The following DISP2 variants were observed in gnomAD, a reference collection of about 807,000 sequenced individuals.
DISP2 encodes the protein dispatched RND transporter family member 2.
A neutral mutation model predicts 95.5 loss-of-function variants in DISP2; 59 were observed. The observed-to-expected ratio is 0.62, with a 90% CI of 0.50 to 0.77. The LOEUF is 0.77. Among genes scored for constraint, DISP2 ranks in the 30% least tolerant of loss-of-function variants. The pLI is 0.00. For missense variants in DISP2, 1,752 were observed against 1,854.6 expected (o/e 0.94, Z 1.02); for synonymous variants, 827 against 815.0 (o/e 1.01, Z -0.25).
intron 2 of DISP2, 50 bp from the exon 3 acceptor site, chr15:40,364,176 C>T (rs1294304393): frequency 6.2e-7 from 1 of 1,613,200 alleles, no homozygotes; most frequent in South Asian, 1.1e-5. Flanking sequence ...CAACACACGC[C>T]CTCTGCAAGA....
Position 40,364,559 on chromosome 15 carries a change from G to T in DISP2, c.603+15G>T. ...AGCCTTTGCTGGTGAGGAACCAAGG[G>T]GTGGGACGGGGTCCCCAGGCCTGGC... On this transcript the variant is annotated intron_variant, in intron 4 of 7. Coordinates refer to ENST00000267889, the MANE Select transcript of DISP2 (RefSeq NM_033510.3). 1 of 1,611,600 alleles carries T rather than the reference G, an allele frequency of 6.2e-7. No homozygotes were observed. Among genetic ancestry groups the T allele is most frequent in the African/African-American group, 1.3e-5 (1 of 75,048 alleles).
At position 40,369,681 on chromosome 15, in the gene DISP2, C is replaced by T. The variant is rs1277221786; in HGVS notation, c.3569C>T (p.Ser1190Leu). 1.9e-6 allele frequency: 3 copies of T among 1,612,108 alleles called. No individual in the cohort carries two copies. The highest frequency in any genetic ancestry group is 2.2e-5 in the East Asian group (1 of 44,880). ...ACCAGCAAGCTGTCCCACCGGCCCT[C>T]AGTACTCTCTGAGGATCTGCAGCTC... ...TATSKLSHRP[S>L]VLSEDLQLHD... The change falls in exon 8 of 8, where the codon TCA becomes TTA. Residue 1190 changes from serine (S) to leucine (L), a missense_variant. Ser to Leu is a moderately radical substitution (Grantham distance 145). This residue lies in a region of DISP2 where 347 missense variants were observed against 344.2 expected (regional missense o/e 1.01). Transcript: ENST00000267889.
At chr15:40,363,024 C>T (rs1889429141) in intron 1 of DISP2, among the ~76,000 whole-genome samples, 1 of 152,108 alleles carries the variant, frequency 6.6e-6, no homozygotes, top group African/African-American at 2.4e-5. Context: ...GTAAGATCGG[C>T]TGGGCGCGGT....
rs375608203 is a variant in DISP2, at chr15:40,369,137, C to T, written c.3025C>T (p.Leu1009Phe). The T allele has an allele frequency of 8.1e-6, 13 of 1,613,850 alleles. No homozygotes were observed. Among genetic ancestry groups the T allele is most frequent in the Non-Finnish European group, 1.1e-5 (13 of 1,180,044 alleles). Residue 1009 changes from leucine (L) to phenylalanine (F), a missense_variant, in exon 8 of 8, where the codon CTC (leucine) becomes TTC (phenylalanine). By Grantham distance (22) the Leu-to-Phe change is conservative. This residue lies in a region of DISP2 where 317 missense variants were observed against 394.9 expected (regional missense o/e 0.80). Coordinates refer to ENST00000267889, the MANE Select transcript of DISP2 (RefSeq NM_033510.3). ...GCTGCTCACTGTAGGACTCCTGGTTCTCCTCGAGTGGCAGCTCAACACTGC... is the reference window on the plus strand; with the variant it reads ...GCTGCTCACTGTAGGACTCCTGGTTTTCCTCGAGTGGCAGCTCAACACTGC... ...TVLLTVGLLV[L>F]LEWQLNTAEA...
chr15:40,367,832 C>T lies in DISP2; in HGVS notation c.1720C>T (p.Pro574Ser). 2 of 1,602,138 alleles carry T rather than the reference C, an allele frequency of 1.2e-6. No individual in the cohort carries two copies. Among genetic ancestry groups the T allele is most frequent in the Non-Finnish European group, 1.7e-6 (2 of 1,179,934 alleles). Residue 574 changes from proline (P) to serine (S), a missense_variant, in exon 8 of 8, where the codon CCG becomes TCG. Transcript: ENST00000267889. ...DLWRLSKSQL[P>S]SGGLAQRVGR... is the part of the protein sequence containing the mutation. ...GTGGCGCCTTAGCAAGAGCCAGCTGCCGTCGGGGGGGCTGGCGCAGCGCGT... is the reference window on the plus strand; with the variant it reads ...GTGGCGCCTTAGCAAGAGCCAGCTGTCGTCGGGGGGGCTGGCGCAGCGCGT...
Position 40,358,254 on chromosome 15 carries a change from ACCGCCGCCGCCGCCG to A in DISP2, c.-57_-43del, listed in dbSNP as rs749138299. On this transcript the variant is annotated 5_prime_UTR_variant, in exon 1 of 8. Coordinates refer to ENST00000267889, the MANE Select transcript of DISP2 (RefSeq NM_033510.3). Reference sequence around the variant, plus strand: ...GCACCCCGCCGCCGCTGCCGCCGCCACCGCCGCCGCCGCCGCCGCCGCCGCGGCTTCAGCACCAGC... The same window carrying A: ...GCACCCCGCCGCCGCTGCCGCCGCCACCGCCGCCGCGGCTTCAGCACCAGC... 6.8e-6 allele frequency: 7 copies of A among 1,031,866 alleles called. 1 individual carries two copies. Among genetic ancestry groups the A allele is most frequent in the South Asian group, 9.0e-5 (2 of 22,142 alleles). The allele number at this position is 1,031,866 out of a possible 1,614,324, so 63.9% of individuals were successfully genotyped here. A position where few individuals can be genotyped will look rare whatever the true frequency, so the allele number is the denominator to read the frequency against.
Position 40,376,483 on chromosome 15 carries a change from G to C in DISP2, c.*6165G>C, listed in dbSNP as rs1332880977. ...AAAAATACAAAAATTAGCCGGGCGT[G>C]GTGGAGCATGCCTGTAGTCCCAGCT... is the stretch of plus-strand genomic sequence containing the variant. On this transcript the variant is annotated 3_prime_UTR_variant, in exon 8 of 8. Coordinates refer to ENST00000267889, the MANE Select transcript of DISP2 (RefSeq NM_033510.3). 2.0e-5 allele frequency: 3 copies of C among 152,250 alleles called. No homozygotes were observed. 9.4% of individuals were successfully genotyped at this position (152,250 alleles called of 1,614,324 possible). A position where few individuals can be genotyped will look rare whatever the true frequency, so the allele number is the denominator to read the frequency against.
chr15:40,378,147 A>G lies in DISP2; in HGVS notation c.*7829A>G, dbSNP rs1889755775. ...AGTCATGCAAACTATAACCCATCAT[A>G]AGGAGAAAAATCAGTTGAAACCACT... is the stretch of plus-strand genomic sequence containing the variant. On this transcript the variant is annotated 3_prime_UTR_variant, in exon 8 of 8. Transcript: ENST00000267889. 6.6e-6 allele frequency: 1 copy of G among 152,252 alleles called. No homozygotes were observed. Among genetic ancestry groups the G allele is most frequent in the Admixed American group, 6.5e-5 (1 of 15,284 alleles). The allele number at this position is 152,252 out of a possible 1,614,324, so 9.4% of individuals were successfully genotyped here. A position where few individuals can be genotyped will look rare whatever the true frequency, so the allele number is the denominator to read the frequency against.
In DISP2 at chr15:40,359,707, C is replaced by A. The variant is rs553712820; in HGVS notation, c.119+1267C>A. Among the ~76,000 whole-genome samples, 9 of 152,368 alleles carry A rather than the reference C, an allele frequency of 5.9e-5. No homozygotes were observed. The South Asian group carries it at 1.7e-3, about 28-fold the overall frequency. Reference sequence around the variant, plus strand: ...TCCAGAAACTCCCTGGGGCCTCTGGCCCCTCTCTGGACTTCTCCAGAGACC... The same window carrying A: ...TCCAGAAACTCCCTGGGGCCTCTGGACCCTCTCTGGACTTCTCCAGAGACC... On this transcript the variant is annotated intron_variant, in intron 1 of 7. Transcript: ENST00000267889.
In DISP2 at chr15:40,372,941, A is replaced by G. The variant is rs1009323870; in HGVS notation, c.*2623A>G. 1 of 152,376 alleles carries G rather than the reference A, an allele frequency of 6.6e-6. No individual in the cohort carries two copies. Among genetic ancestry groups the G allele is most frequent in the African/African-American group, 2.4e-5 (1 of 41,590 alleles). The allele number at this position is 152,376 out of a possible 1,614,324, so 9.4% of individuals were successfully genotyped here. On this transcript the variant is annotated 3_prime_UTR_variant, in exon 8 of 8. Coordinates refer to ENST00000267889, the MANE Select transcript of DISP2 (RefSeq NM_033510.3). The stretch of plus-strand genomic sequence containing the variant: ...AACACTTCAGGAAGGTGAATGAGCC[A>G]TAGCAGCTGATGCATTGATTAGATT...
At position 40,368,405 on chromosome 15, in the gene DISP2, G is replaced by C; in HGVS notation, c.2293G>C (p.Gly765Arg). Reference sequence around the variant, plus strand: ...GTTCCTGTTCGAGCAGCTGCCGCAGGGCGAGGGCGGCCACATGCCCGTGGT... The same window carrying C: ...GTTCCTGTTCGAGCAGCTGCCGCAGCGCGAGGGCGGCCACATGCCCGTGGT... ...QLFLFEQLPQ[G>R]EGGHMPVVLV... Residue 765 changes from glycine (G) to arginine (R), a missense_variant, in exon 8 of 8, where the codon GGC (glycine) becomes CGC (arginine). By Grantham distance (125) the Gly-to-Arg change is moderately radical. Transcript: ENST00000267889. 2 of 1,608,596 alleles carry C rather than the reference G, an allele frequency of 1.2e-6. No homozygotes were observed.
chr15:40,377,896 A>C lies in DISP2; in HGVS notation c.*7578A>C, dbSNP rs1889751816. On this transcript the variant is annotated 3_prime_UTR_variant, in exon 8 of 8. Transcript: ENST00000267889. ...TTATGGAGCATTGGTCAGAGGTCTCAGAAGGGCCTTGCCTCGTAGTGGGGA... is the reference window on the plus strand; with the variant it reads ...TTATGGAGCATTGGTCAGAGGTCTCCGAAGGGCCTTGCCTCGTAGTGGGGA... The C allele has an allele frequency of 6.6e-6, 1 of 152,386 alleles. No homozygotes were observed. The highest frequency in any genetic ancestry group is 2.4e-5 in the African/African-American group (1 of 41,460). The allele number at this position is 152,386 out of a possible 1,614,324, so 9.4% of individuals were successfully genotyped here.
intron 1 of DISP2, among the ~76,000 whole-genome samples, chr15:40,360,155 T>TC (rs1350054994): frequency 6.6e-6 from 1 of 152,020 alleles, no homozygotes; most frequent in Non-Finnish European, 1.5e-5. Flanking sequence ...CCACTTTCCA[T>TC]CCCCCTGCCT....
Position 40,371,079 on chromosome 15 carries a change from A to G in DISP2, c.*761A>G, listed in dbSNP as rs1889637218. 1 of 161,928 alleles carries G rather than the reference A, an allele frequency of 6.2e-6. No homozygotes were observed. The highest frequency in any genetic ancestry group is 2.4e-5 in the African/African-American group (1 of 41,810). 10.0% of individuals were successfully genotyped at this position (161,928 alleles called of 1,614,324 possible). On this transcript the variant is annotated 3_prime_UTR_variant, in exon 8 of 8. Coordinates refer to ENST00000267889, the MANE Select transcript of DISP2 (RefSeq NM_033510.3). Reference sequence around the variant, plus strand: ...GCACATTTTAGTCTCCTTGGAATCTATCTCACTACTTCACTACAGGGTAGC... The same window carrying G: ...GCACATTTTAGTCTCCTTGGAATCTGTCTCACTACTTCACTACAGGGTAGC...
rs775283987 is a variant in DISP2, at chr15:40,370,253, C to T, written c.4141C>T (p.Gln1381Ter). 1 of 1,574,980 alleles carries T rather than the reference C, an allele frequency of 6.3e-7. No individual in the cohort carries two copies. Among genetic ancestry groups the T allele is most frequent in the East Asian group, 2.2e-5 (1 of 44,548 alleles). ...DGSPVVLPNSQPDLPDVWLRR... is the reference protein window; with the variant it reads ...DGSPVVLPNS ...CAGCCCTGTGGTGCTGCCCAATAGC[C>T]AGCCAGACCTGCCAGATGTTTGGCT... Residue 1381 changes from glutamine (Q) to a stop codon, truncating the protein, a stop_gained, in exon 8 of 8, where the codon CAG (glutamine) becomes TAG (stop). Transcript: ENST00000267889. LOFTEE classifies it high-confidence loss of function.
chr15:40,369,821 T>A lies in DISP2; in HGVS notation c.3709T>A (p.Tyr1237Asn). The stretch of plus-strand genomic sequence containing the variant: ...CCCTGCCCTGCAGACCTCCTCCCCC[T>A]ATAAGCAGGCTGGCCCCAGCCCCAA... The part of the protein sequence containing the change: ...QCPALQTSSP[Y>N]KQAGPSPKTR... Residue 1237 changes from tyrosine to asparagine, a missense_variant, in exon 8 of 8, where the codon TAT (tyrosine) becomes AAT (asparagine). Tyr to Asn is a moderately radical substitution (Grantham distance 143). This residue lies in a region of DISP2 where 347 missense variants were observed against 344.2 expected (regional missense o/e 1.01). Coordinates refer to ENST00000267889, the MANE Select transcript of DISP2 (RefSeq NM_033510.3). The A allele has an allele frequency of 6.3e-7, 1 of 1,586,546 alleles. No homozygotes were observed. The highest frequency in any genetic ancestry group is 8.6e-7 in the Non-Finnish European group (1 of 1,163,448).
intron 1 of DISP2, among the ~76,000 whole-genome samples, chr15:40,360,941 G>A (rs930510125): frequency 2.0e-5 from 3 of 152,198 alleles, no homozygotes; most frequent in African/African-American, 7.2e-5. Context: ...ACAGGACAGT[G>A]CTCAAGAAAA....
Position 40,374,014 on chromosome 15 carries a change from A to AAAAAAAAAAAAAAAAATATATATAT in DISP2, c.*3697_*3698insAAAAAAAAAAAAAAATATATATATA. The AAAAAAAAAAAAAAAAATATATATAT allele has an allele frequency of 9.6e-6, 1 of 104,190 alleles. No individual in the cohort carries two copies. The highest frequency in any genetic ancestry group is 4.2e-5 in the African/African-American group (1 of 23,940). The allele number at this position is 104,190 out of a possible 1,614,324, so 6.5% of individuals were successfully genotyped here. On this transcript the variant is annotated 3_prime_UTR_variant, in exon 8 of 8. Coordinates refer to ENST00000267889, the MANE Select transcript of DISP2 (RefSeq NM_033510.3). ...GCGAGACTCCATCTTAAAAAAAAAA[A>AAAAAAAAAAAAAAAAATATATATAT]ATATATATATATATATATGTAAACT...
rs1233353352 is a variant in DISP2, at chr15:40,378,362, C to G, written c.*8044C>G. 1 of 152,004 alleles carries G rather than the reference C, an allele frequency of 6.6e-6. No homozygotes were observed. Among genetic ancestry groups the G allele is most frequent in the Admixed American group, 6.6e-5 (1 of 15,260 alleles). 9.4% of individuals were successfully genotyped at this position (152,004 alleles called of 1,614,324 possible). On this transcript the variant is annotated 3_prime_UTR_variant, in exon 8 of 8. Coordinates refer to ENST00000267889, the MANE Select transcript of DISP2 (RefSeq NM_033510.3). The stretch of plus-strand genomic sequence containing the variant: ...AGAAAGAGGAGGATGGGAAGAAGTA[C>G]CAAGGGGAAGGAGGAATGATTTGGG...
Sources: allele counts gnomAD v4.1 joint callset (sites outside exome capture counted in the v4.1 genomes callset), GRCh38; gene constraint gnomAD v4.1.1; regional missense constraint gnomAD v4.1.1; transcripts MANE v1.5; gene names NCBI Gene and HGNC (gene_info 2026-07-23, HGNC 2026-07-21).